The following FANCA variants were observed in gnomAD, a reference collection of about 807,000 sequenced individuals.
FANCA encodes the protein FA complementation group A.
FANCA carries 236 observed loss-of-function variants against 194.3 expected under a neutral mutation model. The observed-to-expected ratio is 1.21, with a 90% confidence interval of 1.09 to 1.35. The LOEUF (loss-of-function observed/expected upper bound fraction) is 1.35, where lower values mean the gene tolerates loss of function less well. Among genes scored for constraint, FANCA ranks in the 40% most tolerant of loss-of-function variants. The pLI, the probability that FANCA is intolerant of heterozygous loss-of-function variation, is 0.00. For synonymous variants in FANCA, 1,014 were observed against 715.8 expected, an observed-to-expected ratio of 1.42 and a Z score of -6.65; for missense variants, 2,628 against 1,813.9, an observed-to-expected ratio of 1.45 and a Z score of -8.15.
Position 89,779,962 on chromosome 16 carries a change from T to C in FANCA, c.1627-5A>G, listed in dbSNP as rs2039645024. ...CTGAAGAGCTTGGCTGTGGGGCTGG[T>C]TCCCATACAGGGAGGAAAGGAAAAA... is the stretch of plus-strand genomic sequence containing the variant. On this transcript the variant is annotated splice_polypyrimidine_tract_variant and splice_region_variant and intron_variant, in intron 17 of 42. Transcript: ENST00000389301. 2 of 1,613,866 alleles carry C rather than the reference T, an allele frequency of 1.2e-6. No individual in the cohort carries two copies. Among genetic ancestry groups the C allele is most frequent in the Non-Finnish European group, 8.5e-7 (1 of 1,179,752 alleles).
In FANCA at chr16:89,784,766, G is replaced by A. The variant is rs558539021; in HGVS notation, c.1470+88C>T. On this transcript the variant is annotated intron_variant, in intron 15 of 42. Coordinates refer to ENST00000389301, the MANE Select transcript of FANCA (RefSeq NM_000135.4). ...CTGAGAGGCTCAGAGCAGATCTGCA[G>A]GAGGCTCTTGGGGAGGCCAAGGCAG... 1.4e-4 allele frequency: 131 copies of A among 961,258 alleles called. No homozygotes were observed. The South Asian group carries it at 1.6e-3, about 12-fold the overall frequency. The allele number at this position is 961,258 out of a possible 1,614,324, so 59.5% of individuals were successfully genotyped here. A position where few individuals can be genotyped will look rare whatever the true frequency, so the allele number is the denominator to read the frequency against.
chr16:89,744,652 A>G (rs893874355), intron 36 of FANCA: 1 of 402,788 alleles, frequency 2.5e-6, no homozygotes, highest in Admixed American at 3.7e-5. Flanking sequence ...CAGACGAGAC[A>G]CTGGCAGAGG....
At chr16:89,800,802 G>A (rs562187034) in intron 8 of FANCA, among the ~76,000 whole-genome samples, 1 of 152,232 alleles carries the variant, frequency 6.6e-6, no homozygotes, top group East Asian at 1.9e-4. Context: ...AAGTCGAGGT[G>A]GGTGGATCAC....
chr16:89,766,441 G>T (rs1288833599), intron 27 of FANCA, among the ~76,000 whole-genome samples: 1 of 152,048 alleles, frequency 6.6e-6, no homozygotes, highest in Non-Finnish European at 1.5e-5. Context: ...GGGCACCAGC[G>T]GCTCACGCCT....
In FANCA at chr16:89,786,191, T is replaced by C. The variant is rs201096215; in HGVS notation, c.1360-1227A>G. 3.5e-5 allele frequency among the ~76,000 whole-genome samples: 5 copies of C among 143,654 alleles called. No homozygotes were observed. In the East Asian group the frequency reaches 1.1e-3, roughly 31 times the overall value. The allele number at this position is 143,654 out of a possible 152,430, so 94.2% of individuals were successfully genotyped here. On this transcript the variant is annotated intron_variant, in intron 14 of 42. Coordinates refer to ENST00000389301, the MANE Select transcript of FANCA (RefSeq NM_000135.4). ...GTGCCACCAAGCCCGGTTTTTTTTT[T>C]CCTTTTTTCTGAGACAAAGCCTCAC...
intron 36 of FANCA, among the ~76,000 whole-genome samples, chr16:89,743,840 A>G (rs1045449156): frequency 3.9e-5 from 6 of 152,182 alleles, no homozygotes; most frequent in Non-Finnish European, 7.3e-5. Context: ...AACAAAACAA[A>G]AAACAAAACT....
At chr16:89,811,872 A>G (rs2040895886) in intron 3 of FANCA, among the ~76,000 whole-genome samples, 1 of 152,054 alleles carries the variant, frequency 6.6e-6, no homozygotes, top group Non-Finnish European at 1.5e-5. Flanking sequence ...CTGGGATTAC[A>G]GGCACGCGTC....
rs1180211362 is a variant in FANCA, at chr16:89,738,235, G to A, written c.*366C>T. 4.4e-6 allele frequency: 7 copies of A among 1,602,656 alleles called. No individual in the cohort carries two copies. The highest frequency in any genetic ancestry group is 1.7e-5 in the Admixed American group (1 of 58,170). ...CACAGAGGGCCAGGCGGTGAAGCCC[G>A]AACCCACCTGAGGACGGCAGTGAGG... On this transcript the variant is annotated 3_prime_UTR_variant, in exon 43 of 43. Transcript: ENST00000389301.
rs2040372946 is a variant in FANCA at position 89,799,654 on chromosome 16, G to A, written c.793-16C>T. 6.2e-7 allele frequency: 1 copy of A among 1,606,644 alleles called. No homozygotes were observed. Among genetic ancestry groups the A allele is most frequent in the Non-Finnish European group, 8.5e-7 (1 of 1,173,480 alleles). ...CAACCGTGACCTGTCAAAATAGAATGTGAGTTACCATCTTGGTAATCTTCT... is the reference window on the plus strand; with the variant it reads ...CAACCGTGACCTGTCAAAATAGAATATGAGTTACCATCTTGGTAATCTTCT... On this transcript the variant is annotated splice_polypyrimidine_tract_variant and intron_variant, in intron 8 of 42. Coordinates refer to ENST00000389301, the MANE Select transcript of FANCA (RefSeq NM_000135.4).
At position 89,774,358 on chromosome 16, in the gene FANCA, G is replaced by C. The variant is rs148402548; in HGVS notation, c.1901-974C>G. Among the ~76,000 whole-genome samples the C allele has an allele frequency of 2.9e-3, 441 of 152,186 alleles. 4 individuals are homozygous for C. Among genetic ancestry groups the C allele is most frequent in the African/African-American group, 9.8e-3 (408 of 41,530 alleles). ...GGGGGAAGGAGGACACCTCTCAAGA[G>C]AAGCAAACGCCTCACACCGCAGGGT... On this transcript the variant is annotated intron_variant, in intron 21 of 42. Transcript: ENST00000389301.
intron 37 of FANCA, among the ~76,000 whole-genome samples, chr16:89,741,782 C>T (rs536603509): frequency 3.3e-5 from 5 of 152,298 alleles, no homozygotes; most frequent in Non-Finnish European, 5.9e-5. Context: ...TGTCTCACTG[C>T]AAGCTTATCT....
rs190586632 is a variant in FANCA at position 89,804,177 on chromosome 16, T to C, written c.710-836A>G. 1.1e-4 allele frequency among the ~76,000 whole-genome samples: 17 copies of C among 152,308 alleles called. No homozygotes were observed. In the East Asian group the frequency reaches 2.9e-3, roughly 26 times the overall value. On this transcript the variant is annotated intron_variant, in intron 7 of 42. Coordinates refer to ENST00000389301, the MANE Select transcript of FANCA (RefSeq NM_000135.4). ...TAGCTCAGGAATGCTAAGTCGCTCA[T>C]GCCACCAAAAAGCTTTAGGAAAAAG... is the stretch of plus-strand genomic sequence containing the variant.
intron 14 of FANCA, among the ~76,000 whole-genome samples, chr16:89,789,816 G>A (rs943732847): frequency 1.3e-5 from 2 of 152,148 alleles, no homozygotes; most frequent in Non-Finnish European, 2.9e-5. Context: ...AACCATGGCG[G>A]TCCTTCAAAG....
chr16:89,745,167 A>G, intron 35 of FANCA, 96 bp from the exon 36 acceptor site: 2 of 1,167,306 alleles, frequency 1.7e-6, no homozygotes, highest in Admixed American at 2.0e-5. Context: ...CCTACAGGCC[A>G]CTACAGGCCC....
chr16:89,791,149 G>T (rs957255171), intron 14 of FANCA: 3 of 554,170 alleles, frequency 5.4e-6, no homozygotes, highest in Non-Finnish European at 9.7e-6. Context: ...CAGAAACCAG[G>T]GGAAGGAGCT....
At chr16:89,767,552 T>C (rs566419985) in intron 26 of FANCA, among the ~76,000 whole-genome samples, 2 of 151,738 alleles carry the variant, frequency 1.3e-5, no homozygotes, top group South Asian at 2.1e-4. Context: ...GTAGTTGTTG[T>C]TAGTGCTTTT....
At chr16:89,759,967 G>A (rs1256248058) in intron 29 of FANCA, among the ~76,000 whole-genome samples, 1 of 151,446 alleles carries the variant, frequency 6.6e-6, no homozygotes. Flanking sequence ...GCGGGACCGG[G>A]GTGCTCCACC....
At position 89,740,825 on chromosome 16, in the gene FANCA, C is replaced by G. The variant is rs11649210; in HGVS notation, c.3807G>C (p.Leu1269=). The G allele has an allele frequency of 0.095, 153,946 of 1,612,704 alleles. 8,122 individuals carry two copies. Among genetic ancestry groups the G allele is most frequent in the East Asian group, 0.17 (7,700 of 44,824 alleles). Residue 1269 remains leucine, a synonymous_variant, in exon 38 of 43, where the codon CTG becomes CTC. Transcript: ENST00000389301. ...TTACATTTGAGGTCAGATGTGACGA[C>G]AGCAGGCCCATCAAGGAGAAGAAGA... is the stretch of plus-strand genomic sequence containing the variant. ...FLFFFSLMGL[L]SSHLTSNSTT...
In FANCA at chr16:89,815,170, G is replaced by A. The variant is rs890328688; in HGVS notation, c.190-557C>T. Among the ~76,000 whole-genome samples the A allele has an allele frequency of 4.1e-4, 63 of 151,846 alleles. 1 individual carries two copies. The highest frequency in any genetic ancestry group is 8.5e-4 in the Non-Finnish European group (58 of 67,940). On this transcript the variant is annotated intron_variant, in intron 2 of 42. Coordinates refer to ENST00000389301, the MANE Select transcript of FANCA (RefSeq NM_000135.4). Reference sequence around the variant, plus strand: ...TCCTGCCTCAGCCTCCTGAGCAGCTGGGATTACAGACACCTGCTACCATAC... The same window carrying A: ...TCCTGCCTCAGCCTCCTGAGCAGCTAGGATTACAGACACCTGCTACCATAC...
Sources: gnomAD v4.1 joint callset for allele counts (sites outside exome capture counted in the v4.1 genomes callset) on GRCh38, gnomAD v4.1.1 for gene constraint, MANE v1.5 for transcripts, NCBI Gene and HGNC (gene_info 2026-07-23, HGNC 2026-07-21) for gene names.